The following DCK variants were observed in gnomAD, a reference collection of about 807,000 sequenced individuals.
The protein encoded by DCK is deoxycytidine kinase.
DCK carries 23 observed loss-of-function variants against 38.3 expected under a neutral mutation model. The observed-to-expected ratio is 0.60, with a 90% confidence interval of 0.43 to 0.85. DCK has a LOEUF of 0.85. Ranked by LOEUF, DCK falls within the 40% of genes least tolerant of loss-of-function variation. The probability of loss-of-function intolerance (pLI) is 0.00; values close to 1 mark genes in which losing one functional copy is unlikely to be tolerated. For missense variants in DCK, 259 were observed against 304.4 expected, an observed-to-expected ratio of 0.85 and a Z score of 1.11; for synonymous variants, 108 against 100.6, an observed-to-expected ratio of 1.07 and a Z score of -0.44.
At chr4:71,004,912 T>G (rs1157063767) in intron 2 of DCK, among the ~76,000 whole-genome samples, 1 of 151,920 alleles carries the variant, frequency 6.6e-6, no homozygotes, top group African/African-American at 2.4e-5. Context: ...GGGTGGGATC[T>G]GCTGAGCAAG....
chr4:71,000,708 T>C (rs1739780652), intron 2 of DCK, among the ~76,000 whole-genome samples: 1 of 152,242 alleles, frequency 6.6e-6, no homozygotes, highest in South Asian at 2.1e-4. Flanking sequence ...GAGCAGTGGT[T>C]TGTAGTTCTC....
rs770375633 is a variant in DCK at position 71,026,744 on chromosome 4, C to T, written c.745C>T (p.Leu249=). The part of the protein sequence containing the change: ...NEDFKDKYES[L]VEKVKEFLST... Reference sequence around the variant, plus strand: ...AGACTTTAAAGACAAATATGAAAGTCTGGTTGAAAAGGTAGATTTAGACAG... The same window carrying T: ...AGACTTTAAAGACAAATATGAAAGTTTGGTTGAAAAGGTAGATTTAGACAG... Residue 249 remains leucine (L), a synonymous_variant, in exon 6 of 7, where the codon CTG becomes TTG. Coordinates refer to ENST00000286648, the MANE Select transcript of DCK (RefSeq NM_000788.3). 1 of 1,521,206 alleles carries T rather than the reference C, an allele frequency of 6.6e-7. No homozygotes were observed. Among genetic ancestry groups the T allele is most frequent in the South Asian group, 1.1e-5 (1 of 87,018 alleles). 94.2% of individuals were successfully genotyped at this position (1,521,206 alleles called of 1,614,324 possible). A position where few individuals can be genotyped will look rare whatever the true frequency, so the allele number is the denominator to read the frequency against.
chr4:71,006,114 A>C (rs67578661), intron 2 of DCK, among the ~76,000 whole-genome samples: 101,062 of 125,508 alleles, frequency 0.81, 43,869 homozygotes, highest in Non-Finnish European at 0.95. Context: ...AAAAAAAAAA[A>C]CAGAAAAAAC....
chr4:71,018,565 A>G (rs1425824875), intron 2 of DCK, among the ~76,000 whole-genome samples: 1 of 151,504 alleles, frequency 6.6e-6, no homozygotes, highest in African/African-American at 2.4e-5. Flanking sequence ...ATGTAGTTTC[A>G]CTCTGACACA....
At chr4:70,995,880 G>A (rs1333402738) in intron 1 of DCK, among the ~76,000 whole-genome samples, 1 of 151,906 alleles carries the variant, frequency 6.6e-6, no homozygotes, top group Admixed American at 6.6e-5. Context: ...TGAACTGATA[G>A]CCTGCAATTG....
In DCK at chr4:71,026,674, C is replaced by G; in HGVS notation, c.675C>G (p.Phe225Leu). Residue 225 changes from phenylalanine to leucine, a missense_variant, in exon 6 of 7, where the codon TTC (phenylalanine) becomes TTG (leucine). Physicochemically the swap from Phe to Leu is conservative, Grantham distance 22. Around this residue, in one of 3 missense-constraint regions of DCK, gnomAD observed 82 missense variants for 103.8 expected, o/e 0.79. Transcript: ENST00000286648. ...WLLHRTLKTN[F>L]DYLQEVPILT... ...CTCTCTTTTTAAACAGAACCAACTT[C>G]GATTATCTTCAAGAGGTGCCTATCT... The G allele has an allele frequency of 1.3e-6, 2 of 1,516,226 alleles. No homozygotes were observed. Among genetic ancestry groups the G allele is most frequent in the Middle Eastern group, 3.4e-4 (2 of 5,846 alleles). The allele number at this position is 1,516,226 out of a possible 1,614,324, so 93.9% of individuals were successfully genotyped here.
At chr4:71,024,104 G>T (rs1338968206) in intron 4 of DCK, among the ~76,000 whole-genome samples, 1 of 152,168 alleles carries the variant, frequency 6.6e-6, no homozygotes, top group Non-Finnish European at 1.5e-5. Context: ...AACACCCAGT[G>T]CTGGGCACTG....
At position 71,022,516 on chromosome 4, in the gene DCK, A is replaced by G; in HGVS notation, c.357A>G (p.Ala119=). The G allele has an allele frequency of 6.2e-7, 1 of 1,600,818 alleles. No individual in the cohort carries two copies. Among genetic ancestry groups the G allele is most frequent in the Non-Finnish European group, 8.5e-7 (1 of 1,175,462 alleles). ...LASLNGKLKD[A]EKPVLFFERS... is the part of the protein sequence containing the mutation. ...CTCTGAATGGCAAGCTCAAAGATGCAGAGAAACCTGTATTATTTTTTGAAC... is the reference window on the plus strand; with the variant it reads ...CTCTGAATGGCAAGCTCAAAGATGCGGAGAAACCTGTATTATTTTTTGAAC... Residue 119 remains alanine, a synonymous_variant, in exon 3 of 7, where the codon GCA becomes GCG. Coordinates refer to ENST00000286648, the MANE Select transcript of DCK (RefSeq NM_000788.3).
chr4:70,994,822 CTG>C (rs1318420762), intron 1 of DCK, among the ~76,000 whole-genome samples: 1 of 152,196 alleles, frequency 6.6e-6, no homozygotes, highest in Middle Eastern at 3.2e-3. Context: ...ACTAACGTTT[CTG>C]TTAACTCAGA....
chr4:71,013,869 A>T (rs1713282639), intron 2 of DCK, among the ~76,000 whole-genome samples: 1 of 152,228 alleles, frequency 6.6e-6, no homozygotes, highest in Non-Finnish European at 1.5e-5. Flanking sequence ...CAAAATAACC[A>T]GCTAACATCA....
intron 2 of DCK, among the ~76,000 whole-genome samples, chr4:71,012,576 G>A (rs1393410047): frequency 6.6e-6 from 1 of 152,214 alleles, no homozygotes; most frequent in Non-Finnish European, 1.5e-5. Flanking sequence ...AGCTTCCAGA[G>A]GAACGATCAG....
At chr4:71,007,948 A>G (rs1484683019) in intron 2 of DCK, among the ~76,000 whole-genome samples, 1 of 152,076 alleles carries the variant, frequency 6.6e-6, no homozygotes, top group African/African-American at 2.4e-5. Flanking sequence ...GCTGGTTTCA[A>G]ACTCCTGGGC....
chr4:71,012,294 G>C (rs955361856), intron 2 of DCK, among the ~76,000 whole-genome samples: 4 of 151,674 alleles, frequency 2.6e-5, no homozygotes, highest in Non-Finnish European at 4.4e-5. Context: ...GGAGCCCACC[G>C]CTGCTCAAGG....
chr4:71,022,297 C>T, intron 2 of DCK, 70 bp from the exon 3 acceptor site: 1 of 800,498 alleles, frequency 1.2e-6, no homozygotes, highest in South Asian at 2.6e-5. Flanking sequence ...TATTTTTTAG[C>T]CTTAAAAATT....
chr4:71,010,189 G>C (rs1215764049), intron 2 of DCK, among the ~76,000 whole-genome samples: 1 of 131,470 alleles, frequency 7.6e-6, no homozygotes, highest in Non-Finnish European at 1.6e-5. Context: ...TTTTTAACCT[G>C]CCACCTAGTG....
intron 2 of DCK, among the ~76,000 whole-genome samples, chr4:71,008,364 G>A (rs759702086): frequency 2.6e-5 from 4 of 152,000 alleles, no homozygotes; most frequent in African/African-American, 7.3e-5. Flanking sequence ...GTATTTCCCC[G>A]CTGGCTAATG....
intron 4 of DCK, among the ~76,000 whole-genome samples, chr4:71,024,131 G>A (rs1740493754): frequency 6.6e-6 from 1 of 152,140 alleles, no homozygotes; most frequent in Non-Finnish European, 1.5e-5. Flanking sequence ...CATATAGTAG[G>A]AGCTCAGTAA....
chr4:70,996,043 A>G lies in DCK; in HGVS notation c.92-2024A>G, dbSNP rs1446913472. Among the ~76,000 whole-genome samples, 52 of 152,112 alleles carry G rather than the reference A, an allele frequency of 3.4e-4. 1 individual carries two copies. Among genetic ancestry groups the G allele is most frequent in the Admixed American group, 3.4e-3 (52 of 15,266 alleles). On this transcript the variant is annotated intron_variant, in intron 1 of 6. Transcript: ENST00000286648. ...AACATAGTGAGAACTAGTCTCTAAG[A>G]AAAATAAAAATAAAATTAGGCCAGG... is the stretch of plus-strand genomic sequence containing the variant.
In DCK at chr4:70,993,918, G is replaced by C. The variant is rs1485007572; in HGVS notation, c.83G>C (p.Gly28Ala). The C allele has an allele frequency of 6.2e-7, 1 of 1,612,556 alleles. No individual in the cohort carries two copies. The change falls in exon 1 of 7, where the codon GGG (glycine) becomes GCG (alanine). Residue 28 changes from glycine to alanine, a missense_variant. Transcript: ENST00000286648. ...CGCATCAAGAAAATCTCCATCGAAG[G>C]GAACATCGGTAAGGAGCCTCCGGAA... is the stretch of plus-strand genomic sequence containing the variant. ...GTRIKKISIE[G>A]NIAAGKSTFV...
Sources: gnomAD v4.1 joint callset for allele counts (sites outside exome capture counted in the v4.1 genomes callset) on GRCh38, gnomAD v4.1.1 for gene constraint, gnomAD v4.1.1 regional missense constraint, MANE v1.5 for transcripts, NCBI Gene and HGNC (gene_info 2026-07-23, HGNC 2026-07-21) for gene names.